Variants in XYLT1 observed in about 807,000 individuals in gnomAD.
XYLT1 encodes beta-D-xylosyltransferase 1.
Under a neutral mutation model 91.3 loss-of-function variants are expected in XYLT1, and 36 were observed. The ratio of observed to expected loss-of-function variants is 0.39; its 90% CI spans 0.30 to 0.52. The LOEUF is 0.52. Among genes scored for constraint, XYLT1 ranks in the 20% least tolerant of loss-of-function variants. The pLI is 0.68. For synonymous variants in XYLT1, 588 were observed against 532.0 expected (o/e 1.11, Z -1.45); for missense variants, 1,242 against 1,284.5 (o/e 0.97, Z 0.51).
intron 1 of XYLT1, among the ~76,000 whole-genome samples, chr16:17,409,166 C>G (rs1447093838): frequency 6.6e-6 from 1 of 152,132 alleles, no homozygotes; most frequent in Non-Finnish European, 1.5e-5. Flanking sequence ...CCTCCTTCGA[C>G]GCTAGAAAGA....
Position 17,470,691 on chromosome 16 carries a change from T to C in XYLT1, c.106A>G (p.Ser36Gly). The C allele has an allele frequency of 8.6e-7, 1 of 1,163,352 alleles. No homozygotes were observed. Among genetic ancestry groups the C allele is most frequent in the South Asian group, 1.7e-5 (1 of 58,910 alleles). The allele number at this position is 1,163,352 out of a possible 1,614,324, so 72.1% of individuals were successfully genotyped here. A position where few individuals can be genotyped will look rare whatever the true frequency, so the allele number is the denominator to read the frequency against. The change falls in exon 1 of 12, where the codon AGC (serine) becomes GGC (glycine). Residue 36 changes from serine to glycine, a missense_variant. Coordinates refer to ENST00000261381, the MANE Select transcript of XYLT1 (RefSeq NM_022166.4). The part of the protein sequence containing the change: ...LLQTLVVWNF[S>G]SLDSGAGERR... ...TCCCCGGCCCCGGAGTCGAGGCTGCTGAAATTCCACACGACCAGCGTCTGC... is the reference window on the plus strand; with the variant it reads ...TCCCCGGCCCCGGAGTCGAGGCTGCCGAAATTCCACACGACCAGCGTCTGC...
intron 5 of XYLT1, among the ~76,000 whole-genome samples, chr16:17,176,305 T>C (rs1367518334): frequency 6.6e-6 from 1 of 152,232 alleles, no homozygotes; most frequent in Non-Finnish European, 1.5e-5. Context: ...ATCACTATCA[T>C]CGTTTCTCGA....
chr16:17,405,823 T>C (rs1467617350), intron 1 of XYLT1, among the ~76,000 whole-genome samples: 2 of 152,290 alleles, frequency 1.3e-5, no homozygotes, highest in South Asian at 2.1e-4. Context: ...ATGTAAAGAA[T>C]TCCTCCATTT....
At chr16:17,280,540 G>A (rs1347913898) in intron 2 of XYLT1, among the ~76,000 whole-genome samples, 2 of 152,028 alleles carry the variant, frequency 1.3e-5, no homozygotes, top group Non-Finnish European at 2.9e-5. Flanking sequence ...ATAATACAGT[G>A]CCCTTCCATG....
chr16:17,225,634 T>C (rs940492578), intron 3 of XYLT1, among the ~76,000 whole-genome samples: 2 of 152,156 alleles, frequency 1.3e-5, no homozygotes, highest in Non-Finnish European at 2.9e-5. Context: ...TTTCTTTTAG[T>C]ATATTACTTG....
chr16:17,423,397 C>G (rs2036273137), intron 1 of XYLT1, among the ~76,000 whole-genome samples: 1 of 152,136 alleles, frequency 6.6e-6, no homozygotes, highest in South Asian at 2.1e-4. Context: ...CAGTAAGGCT[C>G]ATTCAGAACC....
At chr16:17,360,949 T>G (rs1348668591) in intron 1 of XYLT1, among the ~76,000 whole-genome samples, 1 of 152,204 alleles carries the variant, frequency 6.6e-6, no homozygotes, top group Non-Finnish European at 1.5e-5. Context: ...AGGAAAGCCC[T>G]TTCCTATCAT....
intron 2 of XYLT1, among the ~76,000 whole-genome samples, chr16:17,292,113 C>T (rs372521164): frequency 1.2e-3 from 168 of 135,234 alleles, no homozygotes; most frequent in Non-Finnish European, 2.1e-3. Flanking sequence ...CACATATACA[C>T]ATATATATCT....
intron 5 of XYLT1, among the ~76,000 whole-genome samples, chr16:17,162,094 T>C (rs1799472347): frequency 6.6e-6 from 1 of 152,166 alleles, no homozygotes; most frequent in Non-Finnish European, 1.5e-5. Context: ...TTGCATTTGA[T>C]AGTCACAATG....
Position 17,105,033 on chromosome 16 carries a change from A to C in XYLT1, c.*3662T>G, listed in dbSNP as rs766414560. 3.7e-5 allele frequency: 5 copies of C among 134,546 alleles called. No homozygotes were observed. The highest frequency in any genetic ancestry group is 8.1e-5 in the African/African-American group (2 of 24,764). The allele number at this position is 134,546 out of a possible 1,614,324, so 8.3% of individuals were successfully genotyped here. A position where few individuals can be genotyped will look rare whatever the true frequency, so the allele number is the denominator to read the frequency against. On this transcript the variant is annotated 3_prime_UTR_variant, in exon 12 of 12. Coordinates refer to ENST00000261381, the MANE Select transcript of XYLT1 (RefSeq NM_022166.4). ...CTAGAATGTACACCTCTCCACCCCT[A>C]GATGTACCCCTCCACCTGAATGTAC... is the stretch of plus-strand genomic sequence containing the variant.
intron 2 of XYLT1, among the ~76,000 whole-genome samples, chr16:17,316,076 C>G (rs1347445126): frequency 6.6e-6 from 1 of 152,212 alleles, no homozygotes; most frequent in African/African-American, 2.4e-5. Context: ...GGCCACACTG[C>G]CTCCACCTTT....
chr16:17,365,606 GCT>G (rs2035444737), intron 1 of XYLT1, among the ~76,000 whole-genome samples: 1 of 152,068 alleles, frequency 6.6e-6, no homozygotes, highest in Non-Finnish European at 1.5e-5. Context: ...TGTATTGCGC[GCT>G]CTCTTTCTCT....
intron 3 of XYLT1, among the ~76,000 whole-genome samples, chr16:17,257,889 G>T (rs2033660908): frequency 6.6e-6 from 1 of 152,210 alleles, no homozygotes; most frequent in South Asian, 2.1e-4. Context: ...CCCTGTGGCT[G>T]CTGTCATTCC....
chr16:17,429,550 T>C (rs2036364116), intron 1 of XYLT1, among the ~76,000 whole-genome samples: 1 of 152,218 alleles, frequency 6.6e-6, no homozygotes, highest in Non-Finnish European at 1.5e-5. Flanking sequence ...GTGTGTTAAC[T>C]TGATTGGGCC....
At position 17,470,622 on chromosome 16, in the gene XYLT1, G is replaced by T; in HGVS notation, c.175C>A (p.Pro59Thr). Residue 59 changes from proline to threonine, a missense_variant, in exon 1 of 12, where the codon CCG becomes ACG. By Grantham distance (38) the Pro-to-Thr change is conservative. Around this residue, in one of 3 missense-constraint regions of XYLT1, gnomAD observed 437 missense variants for 411.5 expected, o/e 1.06. Coordinates refer to ENST00000261381, the MANE Select transcript of XYLT1 (RefSeq NM_022166.4). ...AAVGGGEQPP[P>T]APAPRRERRD... ...CGCTCCCGGCGCGGGGCCGGGGCCG[G>T]GGGCGGCTGCTCCCCGCCGCCGACC... 1 of 1,117,000 alleles carries T rather than the reference G, an allele frequency of 9.0e-7. No homozygotes were observed. Among genetic ancestry groups the T allele is most frequent in the Non-Finnish European group, 1.1e-6 (1 of 918,092 alleles). 69.2% of individuals were successfully genotyped at this position (1,117,000 alleles called of 1,614,324 possible).
chr16:17,156,955 T>C (rs1469049493), intron 6 of XYLT1, among the ~76,000 whole-genome samples: 2 of 151,988 alleles, frequency 1.3e-5, no homozygotes, highest in Non-Finnish European at 2.9e-5. Context: ...TTTTTTTTTT[T>C]TTTCTATTTT....
At chr16:17,352,260 C>T (rs910991332) in intron 2 of XYLT1, among the ~76,000 whole-genome samples, 9 of 152,148 alleles carry the variant, frequency 5.9e-5, no homozygotes, top group Admixed American at 1.3e-4. Context: ...AGCTATTAGC[C>T]AAATTTCAGA....
chr16:17,153,809 G>C (rs2031340856), intron 6 of XYLT1, among the ~76,000 whole-genome samples: 1 of 152,150 alleles, frequency 6.6e-6, no homozygotes, highest in African/African-American at 2.4e-5. Flanking sequence ...GGAAGTAGGG[G>C]AAGGACCTAC....
chr16:17,321,600 T>C (rs1051077598), intron 2 of XYLT1, among the ~76,000 whole-genome samples: 2 of 151,810 alleles, frequency 1.3e-5, no homozygotes, highest in Non-Finnish European at 2.9e-5. Flanking sequence ...TCAAGTGATC[T>C]CCCCGTGTCA....
Sources: gnomAD v4.1 joint callset for allele counts (sites outside exome capture counted in the v4.1 genomes callset) on GRCh38, gnomAD v4.1.1 for gene constraint, gnomAD v4.1.1 regional missense constraint, MANE v1.5 for transcripts, NCBI Gene and HGNC (gene_info 2026-07-23, HGNC 2026-07-21) for gene names.